CHCHD3: variants seen among roughly 807,000 people sequenced by gnomAD.
CHCHD3 encodes the protein coiled-coil-helix-coiled-coil-helix domain containing 3.
In CHCHD3, 20 loss-of-function variants were observed where a neutral mutation model predicts 38.2. The ratio of observed to expected loss-of-function variants is 0.52; its 90% CI spans 0.37 to 0.76. The LOEUF (loss-of-function observed/expected upper bound fraction) is 0.76. Among genes scored for constraint, CHCHD3 ranks in the 30% least tolerant of loss-of-function variants. The probability of loss-of-function intolerance (pLI) is 0.00; values close to 1 mark genes in which losing one functional copy is unlikely to be tolerated. For synonymous variants in CHCHD3, 82 were observed against 100.0 expected, an observed-to-expected ratio of 0.82 and a Z score of 1.07; for missense variants, 245 against 279.2, an observed-to-expected ratio of 0.88 and a Z score of 0.87.
At chr7:133,009,305 AGTGAG>A (rs1410957091) in intron 3 of CHCHD3, among the ~76,000 whole-genome samples, 2 of 147,242 alleles carry the variant, frequency 1.4e-5, no homozygotes, top group Admixed American at 1.4e-4. Flanking sequence ...CAGAGGTTGC[AGTGAG>A]CCAAGATCGC....
intron 5 of CHCHD3, among the ~76,000 whole-genome samples, chr7:132,865,152 G>A (rs1295678304): frequency 1.3e-5 from 2 of 152,166 alleles, no homozygotes; most frequent in South Asian, 2.1e-4. Flanking sequence ...ATTATATGGC[G>A]TGAGAAAAAC....
chr7:132,995,798 A>C lies in CHCHD3; in HGVS notation c.252-20512T>G, dbSNP rs1812399493. Reference sequence around the variant, plus strand: ...TCATTTTTTTATTTTTAGTATTAACAATTTTAACATACAAATTATACCATT... The same window carrying C: ...TCATTTTTTTATTTTTAGTATTAACCATTTTAACATACAAATTATACCATT... On this transcript the variant is annotated intron_variant, in intron 3 of 7. Transcript: ENST00000262570. Among the ~76,000 whole-genome samples, 3 of 152,194 alleles carry C rather than the reference A, an allele frequency of 2.0e-5. 1 individual carries two copies. The South Asian group carries it at 6.2e-4, about 32-fold the overall frequency.
chr7:132,796,404 T>C lies in CHCHD3; in HGVS notation c.660+38A>G, dbSNP rs374090198. 12 of 1,609,066 alleles carry C rather than the reference T, an allele frequency of 7.5e-6. No homozygotes were observed. In the South Asian group the frequency reaches 1.3e-4, roughly 18 times the overall value. On this transcript the variant is annotated intron_variant, in intron 7 of 7. Coordinates refer to ENST00000262570, the MANE Select transcript of CHCHD3 (RefSeq NM_017812.4). ...TGCCCCAGGTCATCCAGTTTTCAAT[T>C]TGCCCAGTGCCCCCAGTGGCCTGGC...
At chr7:132,894,506 AAT>A (rs1420226720) in intron 4 of CHCHD3, among the ~76,000 whole-genome samples, 1 of 152,168 alleles carries the variant, frequency 6.6e-6, no homozygotes, top group Non-Finnish European at 1.5e-5. Context: ...AAAACCTTTC[AAT>A]ATGTTTCCTA....
At chr7:132,970,780 AAAG>A (rs1450505476) in intron 4 of CHCHD3, among the ~76,000 whole-genome samples, 8 of 152,114 alleles carry the variant, frequency 5.3e-5, no homozygotes, top group Non-Finnish European at 7.3e-5. Flanking sequence ...AAAAAAAAGA[AAAG>A]AAGAGAAAAT....
intron 1 of CHCHD3, among the ~76,000 whole-genome samples, chr7:133,080,369 T>G (rs1438961872): frequency 6.6e-6 from 1 of 152,262 alleles, no homozygotes; most frequent in Non-Finnish European, 1.5e-5. Flanking sequence ...ATACTTGATA[T>G]GAATCTCTGT....
chr7:133,060,897 C>T (rs1814487774), intron 2 of CHCHD3, among the ~76,000 whole-genome samples: 1 of 151,992 alleles, frequency 6.6e-6, no homozygotes, highest in African/African-American at 2.4e-5. Flanking sequence ...GCAACAACAG[C>T]AAAACTCCAA....
At chr7:132,825,841 C>T (rs1807494291) in intron 6 of CHCHD3, among the ~76,000 whole-genome samples, 1 of 152,184 alleles carries the variant, frequency 6.6e-6, no homozygotes, top group Non-Finnish European at 1.5e-5. Context: ...GGTAACAGAT[C>T]AAGGATCGAT....
At chr7:132,799,879 G>C (rs1806742866) in intron 6 of CHCHD3, among the ~76,000 whole-genome samples, 1 of 151,880 alleles carries the variant, frequency 6.6e-6, no homozygotes, top group Non-Finnish European at 1.5e-5. Context: ...ATCTCCACAA[G>C]CACTAGCAGC....
At chr7:132,812,204 T>TCTTTTC (rs57913612) in intron 6 of CHCHD3, among the ~76,000 whole-genome samples, 1 of 77,882 alleles carries the variant, frequency 1.3e-5, no homozygotes, top group Non-Finnish European at 2.4e-5. Context: ...TCTTTTCTTT[T>TCTTTTC]TTTTTTTTTT....
At chr7:132,922,168 T>C (rs1425612850) in intron 4 of CHCHD3, among the ~76,000 whole-genome samples, 1 of 152,098 alleles carries the variant, frequency 6.6e-6, no homozygotes, top group Non-Finnish European at 1.5e-5. Flanking sequence ...AGGCAATGGC[T>C]TCAGGTAAGC....
At chr7:132,842,774 A>G (rs1471370832) in intron 5 of CHCHD3, among the ~76,000 whole-genome samples, 1 of 152,186 alleles carries the variant, frequency 6.6e-6, no homozygotes, top group Non-Finnish European at 1.5e-5. Context: ...CTCCTGCCTG[A>G]TTTCAGGGGC....
chr7:133,009,432 T>G (rs1365647757), intron 3 of CHCHD3, among the ~76,000 whole-genome samples: 1 of 143,236 alleles, frequency 7.0e-6, no homozygotes, highest in Non-Finnish European at 1.5e-5. Flanking sequence ...CCCAGGAAGC[T>G]CTGGGCTTTT....
chr7:133,052,656 GAC>G lies in CHCHD3; in HGVS notation c.169+17484_169+17485del, dbSNP rs1025615464. Among the ~76,000 whole-genome samples, 430 of 152,214 alleles carry G rather than the reference GAC, an allele frequency of 2.8e-3. 1 individual carries two copies. Among genetic ancestry groups the G allele is most frequent in the African/African-American group, 9.4e-3 (390 of 41,526 alleles). On this transcript the variant is annotated intron_variant, in intron 2 of 7. Transcript: ENST00000262570. ...CTTAAGTGACAAACACACATACACA[GAC>G]ACACATTTGTATGTATACAAATGTT... is the stretch of plus-strand genomic sequence containing the variant.
At chr7:132,826,328 A>C (rs1412630938) in intron 6 of CHCHD3, among the ~76,000 whole-genome samples, 1 of 152,228 alleles carries the variant, frequency 6.6e-6, no homozygotes, top group Non-Finnish European at 1.5e-5. Flanking sequence ...CCTACAATGC[A>C]TGTTTAACAT....
intron 4 of CHCHD3, among the ~76,000 whole-genome samples, chr7:132,920,349 C>T (rs1294502842): frequency 1.3e-5 from 2 of 152,074 alleles, no homozygotes; most frequent in South Asian, 2.1e-4. Flanking sequence ...TTTGCTGGCC[C>T]CTGCTCTAAT....
intron 6 of CHCHD3, among the ~76,000 whole-genome samples, chr7:132,818,379 T>C (rs1429600740): frequency 6.6e-6 from 1 of 152,198 alleles, no homozygotes; most frequent in Non-Finnish European, 1.5e-5. Flanking sequence ...TCAGTCCAGT[T>C]TTAATTGAGC....
intron 4 of CHCHD3, among the ~76,000 whole-genome samples, chr7:132,891,297 G>C (rs1351745534): frequency 6.6e-6 from 1 of 152,166 alleles, no homozygotes; most frequent in East Asian, 1.9e-4. Flanking sequence ...AACTCACCTA[G>C]GTGAACTTAA....
intron 4 of CHCHD3, among the ~76,000 whole-genome samples, chr7:132,939,874 A>T (rs527594462): frequency 9.2e-5 from 14 of 152,296 alleles, no homozygotes; most frequent in African/African-American, 3.4e-4. Context: ...GATTAATCCA[A>T]ACTTGTTTTC....
Sources: gnomAD v4.1 joint callset for allele counts (sites outside exome capture counted in the v4.1 genomes callset) on GRCh38, gnomAD v4.1.1 for gene constraint, MANE v1.5 for transcripts, NCBI Gene and HGNC (gene_info 2026-07-23, HGNC 2026-07-21) for gene names.